MFHAS1: variants seen among roughly 807,000 people sequenced by gnomAD.
The protein encoded by MFHAS1 is multifunctional ROCO family signaling regulator 1.
A neutral mutation model predicts 70.4 loss-of-function variants in MFHAS1; 50 were observed. That is an observed-to-expected ratio of 0.71 (90% confidence interval 0.57 to 0.90). The LOEUF (loss-of-function observed/expected upper bound fraction) is 0.90. Among genes scored for constraint, MFHAS1 ranks in the 40% least tolerant of loss-of-function variants. The pLI is 0.00. For missense variants in MFHAS1, 1,795 were observed against 1,347.6 expected, an observed-to-expected ratio of 1.33 and a Z score of -5.20; for synonymous variants, 952 against 620.0, an observed-to-expected ratio of 1.54 and a Z score of -7.96.
Position 8,892,193 on chromosome 8 carries a change from G to C in MFHAS1, c.866C>G (p.Pro289Arg). ...NLSSNLFEEF[P>R]AALLPLAGLE... Reference sequence around the variant, plus strand: ...ACCAGCCAGGGGCAGCAGCGCGGCAGGGAACTCCTCGAAGAGGTTGGAGGA... The same window carrying C: ...ACCAGCCAGGGGCAGCAGCGCGGCACGGAACTCCTCGAAGAGGTTGGAGGA... Residue 289 changes from proline to arginine, a missense_variant, in exon 1 of 3, where the codon CCT (proline) becomes CGT (arginine). Physicochemically the swap from Pro to Arg is moderately radical, Grantham distance 103. Coordinates refer to ENST00000276282, the MANE Select transcript of MFHAS1 (RefSeq NM_004225.3). This position sits in a 1 kb window ranked among gnomAD's most constrained non-coding sequence, Gnocchi z 4.7. 1 of 1,610,230 alleles carries C rather than the reference G, an allele frequency of 6.2e-7. No homozygotes were observed. The highest frequency in any genetic ancestry group is 8.5e-7 in the Non-Finnish European group (1 of 1,180,014).
At chr8:8,870,588 A>G (rs1291087277) in intron 1 of MFHAS1, among the ~76,000 whole-genome samples, 2 of 152,222 alleles carry the variant, frequency 1.3e-5, no homozygotes, top group Non-Finnish European at 2.9e-5. Context: ...CTGGTTTTAC[A>G]GAAAGTCCCT....
intron 1 of MFHAS1, among the ~76,000 whole-genome samples, chr8:8,811,889 C>T (rs1009186655): frequency 6.6e-6 from 1 of 152,238 alleles, no homozygotes; most frequent in Non-Finnish European, 1.5e-5. Flanking sequence ...AGAGTCCACA[C>T]CCTCTTCTTC....
At chr8:8,793,717 G>A (rs1045362052) in intron 2 of MFHAS1, among the ~76,000 whole-genome samples, 2 of 152,238 alleles carry the variant, frequency 1.3e-5, no homozygotes, top group Non-Finnish European at 2.9e-5. Flanking sequence ...ATTGACCACA[G>A]AGCAGTCCTA....
chr8:8,783,472 C>T lies in MFHAS1; in HGVS notation c.*2550G>A, dbSNP rs1377160671. ...ACCATGGCATGAAAAACAACACGCA[C>T]CCCATCAGGAATTACACCAAACCCC... On this transcript the variant is annotated 3_prime_UTR_variant, in exon 3 of 3. Transcript: ENST00000276282. The T allele has an allele frequency of 6.6e-6, 1 of 152,176 alleles. No homozygotes were observed. The highest frequency in any genetic ancestry group is 1.9e-4 in the East Asian group (1 of 5,204). The allele number at this position is 152,176 out of a possible 1,614,324, so 9.4% of individuals were successfully genotyped here.
At chr8:8,832,054 G>GCACACACACACACA (rs370279756) in intron 1 of MFHAS1, among the ~76,000 whole-genome samples, 11 of 112,666 alleles carry the variant, frequency 9.8e-5, no homozygotes, top group South Asian at 5.2e-4. Flanking sequence ...ATGCACGCGC[G>GCACACACACACACA]CGCGCGCGCA....
At chr8:8,846,581 C>G (rs976482617) in intron 1 of MFHAS1, among the ~76,000 whole-genome samples, 4 of 152,024 alleles carry the variant, frequency 2.6e-5, no homozygotes, top group African/African-American at 9.7e-5. Context: ...CACAGAATCT[C>G]CCCTCTGCTG....
intron 1 of MFHAS1, among the ~76,000 whole-genome samples, chr8:8,855,206 G>A (rs1808392008): frequency 6.6e-6 from 1 of 152,200 alleles, no homozygotes; most frequent in African/African-American, 2.4e-5. Flanking sequence ...ACCCGCCTCG[G>A]CCTCCCAAAG....
chr8:8,801,384 G>C (rs1262538110), intron 1 of MFHAS1, among the ~76,000 whole-genome samples: 1 of 152,182 alleles, frequency 6.6e-6, no homozygotes, highest in East Asian at 1.9e-4. Context: ...GAAGGTGGAA[G>C]GCACTGAGAA....
rs893446919 is a variant in MFHAS1, at chr8:8,892,860, C to A, written c.199G>T (p.Ala67Ser). The A allele has an allele frequency of 1.9e-6, 3 of 1,595,068 alleles. No homozygotes were observed. The highest frequency in any genetic ancestry group is 1.7e-5 in the Admixed American group (1 of 57,688). ...AGGCCGTTGTTCCCCAGGTTCAGTG[C>A]CTCAATGTCCCCGAGGTTGGCCGGC... ...VLPANLGDIE[A>S]LNLGNNGLEE... Residue 67 changes from alanine to serine, a missense_variant, in exon 1 of 3, where the codon GCA becomes TCA. Transcript: ENST00000276282. The surrounding 1 kb of genome is among the most constrained non-coding windows in gnomAD (Gnocchi z 4.7).
chr8:8,843,367 T>G (rs1311420263), intron 1 of MFHAS1, among the ~76,000 whole-genome samples: 1 of 151,522 alleles, frequency 6.6e-6, no homozygotes, highest in East Asian at 1.9e-4. Flanking sequence ...GCAAATCACT[T>G]GAGGCCAGGA....
At chr8:8,804,215 A>G (rs1806196901) in intron 1 of MFHAS1, among the ~76,000 whole-genome samples, 1 of 152,164 alleles carries the variant, frequency 6.6e-6, no homozygotes, top group African/African-American at 2.4e-5. Flanking sequence ...TACACCATCA[A>G]AAATTATGAC....
At chr8:8,831,902 G>A (rs962688404) in intron 1 of MFHAS1, among the ~76,000 whole-genome samples, 5 of 152,036 alleles carry the variant, frequency 3.3e-5, no homozygotes, top group Non-Finnish European at 4.4e-5. Context: ...GTGAGCTACC[G>A]CCCCCAGCCG....
At chr8:8,818,526 C>G (rs968045350) in intron 1 of MFHAS1, among the ~76,000 whole-genome samples, 1 of 152,216 alleles carries the variant, frequency 6.6e-6, no homozygotes, top group Admixed American at 6.5e-5. Context: ...CCCTGTGGAA[C>G]TGACTTAGCC....
At chr8:8,850,018 C>G (rs1398223342) in intron 1 of MFHAS1, among the ~76,000 whole-genome samples, 2 of 152,228 alleles carry the variant, frequency 1.3e-5, no homozygotes, top group African/African-American at 4.8e-5. Context: ...AGTTTGAAAT[C>G]TTTACCTTAC....
chr8:8,799,538 T>C (rs916365333), intron 1 of MFHAS1, among the ~76,000 whole-genome samples: 1 of 152,168 alleles, frequency 6.6e-6, no homozygotes, highest in African/African-American at 2.4e-5. Flanking sequence ...GGTGGATCGC[T>C]TGAGCCCAGG....
intron 1 of MFHAS1, among the ~76,000 whole-genome samples, chr8:8,862,843 T>G (rs1808718636): frequency 6.6e-6 from 1 of 152,218 alleles, no homozygotes; most frequent in Admixed American, 6.5e-5. Context: ...ATGGGCAATC[T>G]CATGCCTTCT....
intron 2 of MFHAS1, chr8:8,790,327 TA>T (rs34635998): frequency 1.0e-6 from 1 of 972,646 alleles, no homozygotes; most frequent in Non-Finnish European, 1.2e-6. Flanking sequence ...GACTTACCCT[TA>T]AAAATTGGTG....
intron 1 of MFHAS1, among the ~76,000 whole-genome samples, chr8:8,868,355 G>C (rs1213506168): frequency 6.7e-6 from 1 of 150,356 alleles, no homozygotes; most frequent in African/African-American, 2.5e-5. Context: ...TTCTTGCAAA[G>C]ATGCAAAGAT....
At chr8:8,837,414 C>A (rs564985879) in intron 1 of MFHAS1, among the ~76,000 whole-genome samples, 3 of 152,222 alleles carry the variant, frequency 2.0e-5, no homozygotes, top group African/African-American at 4.8e-5. Flanking sequence ...GCAAGGCGGG[C>A]GGATCACTTG....
Sources: allele counts gnomAD v4.1 joint callset (sites outside exome capture counted in the v4.1 genomes callset), GRCh38; gene constraint gnomAD v4.1.1; non-coding constraint Gnocchi (gnomAD v3.1); transcripts MANE v1.5; gene names NCBI Gene and HGNC (gene_info 2026-07-23, HGNC 2026-07-21).